The following RASGRF2 variants were observed in gnomAD, a reference collection of about 807,000 sequenced individuals.
RASGRF2 encodes ras-specific guanine nucleotide-releasing factor 2.
RASGRF2 carries 76 observed loss-of-function variants against 151.0 expected under a neutral mutation model. The ratio of observed to expected loss-of-function variants is 0.50; its 90% CI spans 0.42 to 0.61. RASGRF2 has a LOEUF of 0.61. Ranked by LOEUF, RASGRF2 falls within the 20% of genes least tolerant of loss-of-function variation. RASGRF2 has a pLI of 0.00. For synonymous variants in RASGRF2, 504 were observed against 566.5 expected, an observed-to-expected ratio of 0.89 and a Z score of 1.57; for missense variants, 1,148 against 1,564.6, an observed-to-expected ratio of 0.73 and a Z score of 4.49.
chr5:81,170,100 A>C (rs745595130), intron 17 of RASGRF2, among the ~76,000 whole-genome samples: 637 of 52,806 alleles, frequency 0.012, no homozygotes, highest in Middle Eastern at 0.043. Context: ...CCCGCACCAC[A>C]TGTATCACCC....
chr5:81,213,860 C>CA (rs970605085), intron 23 of RASGRF2, among the ~76,000 whole-genome samples: 2 of 151,850 alleles, frequency 1.3e-5, no homozygotes, highest in African/African-American at 2.4e-5. Flanking sequence ...TGGTTAAAAA[C>CA]AAAAAAACAA....
At chr5:81,086,997 G>T in intron 9 of RASGRF2, 44 bp downstream of exon 9, 1 of 1,513,764 alleles carries the variant, frequency 6.6e-7, no homozygotes, top group Non-Finnish European at 9.2e-7. Flanking sequence ...GCGCTGTGCG[G>T]CTGTCACATG....
In RASGRF2 at chr5:81,080,151, T is replaced by C; in HGVS notation, c.918T>C (p.Phe306=). 1 of 1,599,028 alleles carries C rather than the reference T, an allele frequency of 6.3e-7. No individual in the cohort carries two copies. Among genetic ancestry groups the C allele is most frequent in the Non-Finnish European group, 8.5e-7 (1 of 1,176,922 alleles). The change falls in exon 6 of 27, where the codon TTT becomes TTC. Residue 306 remains phenylalanine (F), a synonymous_variant. Coordinates refer to ENST00000265080, the MANE Select transcript of RASGRF2 (RefSeq NM_006909.3). ...SETIMFLHEI[F]HQGLKARIAN... is the part of the protein sequence containing the mutation. Reference sequence around the variant, plus strand: ...CAATCATGTTTCTTCATGAAATATTTCATCAAGGACTAAAGGCAAGGATAG... The same window carrying C: ...CAATCATGTTTCTTCATGAAATATTCCATCAAGGACTAAAGGCAAGGATAG...
intron 17 of RASGRF2, among the ~76,000 whole-genome samples, chr5:81,167,918 C>T (rs1754550497): frequency 6.6e-6 from 1 of 152,204 alleles, no homozygotes; most frequent in African/African-American, 2.4e-5. Context: ...TCTGCACTGC[C>T]AGACAATCCT....
chr5:81,114,441 A>G (rs1210768987), intron 15 of RASGRF2, among the ~76,000 whole-genome samples: 3 of 152,228 alleles, frequency 2.0e-5, no homozygotes, highest in Non-Finnish European at 4.4e-5. Context: ...GTTATAGCAG[A>G]GGTATAGGAG....
At chr5:80,993,964 G>A (rs72769232) in intron 1 of RASGRF2, among the ~76,000 whole-genome samples, 29,113 of 151,982 alleles carry the variant, frequency 0.19, 3,580 homozygotes, top group Middle Eastern at 0.34. Context: ...AAGACCCCTA[G>A]CACTTTCCAT....
chr5:81,216,369 GCACACACACACACACAAA>G (rs1755737696), intron 24 of RASGRF2, among the ~76,000 whole-genome samples: 1 of 144,150 alleles, frequency 6.9e-6, no homozygotes, highest in Non-Finnish European at 1.5e-5. Flanking sequence ...ACACACACAC[GCACACACACACACACAAA>G]CACACACACA....
At chr5:81,146,009 C>A (rs1217153144) in intron 17 of RASGRF2, among the ~76,000 whole-genome samples, 1 of 152,252 alleles carries the variant, frequency 6.6e-6, no homozygotes, top group African/African-American at 2.4e-5. Flanking sequence ...TTCTGGGCAT[C>A]CCCTGTGGAA....
At chr5:81,118,594 T>C (rs1350507458) in intron 15 of RASGRF2, among the ~76,000 whole-genome samples, 1 of 152,252 alleles carries the variant, frequency 6.6e-6, no homozygotes, top group Admixed American at 6.5e-5. Flanking sequence ...ACTAATCTTT[T>C]TAGCGAAAGG....
intron 1 of RASGRF2, among the ~76,000 whole-genome samples, chr5:80,994,127 A>T (rs1399291301): frequency 6.6e-6 from 1 of 152,056 alleles, no homozygotes; most frequent in Non-Finnish European, 1.5e-5. Context: ...GTAGTCTGGG[A>T]GGCCAGGGCG....
At chr5:81,045,883 G>A (rs1299169258) in intron 2 of RASGRF2, among the ~76,000 whole-genome samples, 1 of 152,168 alleles carries the variant, frequency 6.6e-6, no homozygotes, top group East Asian at 1.9e-4. Context: ...AAGCCAGAAA[G>A]TTAATGAAGC....
chr5:81,146,788 C>T (rs1754016492), intron 17 of RASGRF2, among the ~76,000 whole-genome samples: 1 of 152,276 alleles, frequency 6.6e-6, no homozygotes, highest in East Asian at 1.9e-4. Flanking sequence ...TCTGATTGTT[C>T]ATCAGAAAGG....
intron 17 of RASGRF2, among the ~76,000 whole-genome samples, chr5:81,158,948 C>T (rs531503449): frequency 6.6e-6 from 1 of 152,234 alleles, no homozygotes; most frequent in South Asian, 2.1e-4. Context: ...AGGTGTCTGC[C>T]ATGAGAAATG....
intron 1 of RASGRF2, among the ~76,000 whole-genome samples, chr5:80,991,217 G>A (rs1038854742): frequency 6.6e-6 from 1 of 152,128 alleles, no homozygotes; most frequent in Admixed American, 6.5e-5. Flanking sequence ...CCAGCAATTT[G>A]GGAGGCCAAG....
chr5:81,062,683 G>A (rs1036302850), intron 2 of RASGRF2, among the ~76,000 whole-genome samples: 1 of 152,194 alleles, frequency 6.6e-6, no homozygotes, highest in Non-Finnish European at 1.5e-5. Flanking sequence ...GTCCCACAGA[G>A]AATGAAATGT....
intron 4 of RASGRF2, among the ~76,000 whole-genome samples, chr5:81,072,020 C>A (rs1751792408): frequency 6.6e-6 from 1 of 151,608 alleles, no homozygotes. Flanking sequence ...TTTTTTAAAC[C>A]AATTTTTGTA....
chr5:81,100,989 C>T (rs1344050317), intron 12 of RASGRF2, among the ~76,000 whole-genome samples: 3 of 152,126 alleles, frequency 2.0e-5, no homozygotes, highest in Non-Finnish European at 2.9e-5. Flanking sequence ...AGAAGTCACT[C>T]GCAACACTTG....
At chr5:81,008,278 G>A (rs1360849731) in intron 1 of RASGRF2, among the ~76,000 whole-genome samples, 4 of 149,472 alleles carry the variant, frequency 2.7e-5, no homozygotes, top group East Asian at 4.0e-4. Context: ...AGCCTCCCCA[G>A]TAGCTGGGAT....
chr5:81,074,091 A>G (rs995558448), intron 5 of RASGRF2, among the ~76,000 whole-genome samples: 1 of 152,202 alleles, frequency 6.6e-6, no homozygotes, highest in Non-Finnish European at 1.5e-5. Context: ...ATTATACACA[A>G]GTATTTTAGG....
Sources: allele counts gnomAD v4.1 joint callset (sites outside exome capture counted in the v4.1 genomes callset), GRCh38; gene constraint gnomAD v4.1.1; transcripts MANE v1.5; gene names NCBI Gene and HGNC (gene_info 2026-07-23, HGNC 2026-07-21).